GRIK4: variants seen among roughly 807,000 people sequenced by gnomAD.
The protein encoded by GRIK4 is glutamate receptor ionotropic, kainate 4.
GRIK4 carries 40 observed loss-of-function variants against 104.9 expected under a neutral mutation model. The ratio of observed to expected loss-of-function variants is 0.38; its 90% confidence interval spans 0.30 to 0.50. The LOEUF (loss-of-function observed/expected upper bound fraction) is 0.50, where lower values mean the gene tolerates loss of function less well. GRIK4 is among the 20% of genes least tolerant of loss of function. The pLI is 0.93. For missense variants in GRIK4, 1,047 were observed against 1,308.1 expected (o/e 0.80, Z 3.08); for synonymous variants, 485 against 524.9 (o/e 0.92, Z 1.04).
At position 120,952,346 on chromosome 11, in the gene GRIK4, G is replaced by C. The variant is rs994930169; in HGVS notation, c.1591-509G>C. Among the ~76,000 whole-genome samples the C allele has an allele frequency of 5.3e-5, 8 of 152,268 alleles. No homozygotes were observed. The South Asian group carries it at 1.5e-3, about 28-fold the overall frequency. On this transcript the variant is annotated intron_variant, in intron 14 of 20. Transcript: ENST00000527524. The surrounding 1 kb of genome is among the most constrained non-coding windows in gnomAD (Gnocchi z 5.2). ...TGAGAATAATAATTTGTGCCTCCCA[G>C]GACTGTTTTGAGGTTGACGGGGGAA... is the stretch of plus-strand genomic sequence containing the variant.
intron 1 of GRIK4, among the ~76,000 whole-genome samples, chr11:120,637,221 C>T (rs1015896741): frequency 1.3e-4 from 20 of 151,990 alleles, no homozygotes; most frequent in South Asian, 2.1e-4. Context: ...AGGCAGGGAG[C>T]GGGTGTTCTT....
At chr11:120,938,000 G>A (rs1268491105) in intron 13 of GRIK4, among the ~76,000 whole-genome samples, 1 of 152,152 alleles carries the variant, frequency 6.6e-6, no homozygotes, top group Non-Finnish European at 1.5e-5. Flanking sequence ...AGGAATGGAT[G>A]CCACGTTTAC....
At chr11:120,844,040 A>T (rs984294304) in intron 8 of GRIK4, among the ~76,000 whole-genome samples, 1 of 152,082 alleles carries the variant, frequency 6.6e-6, no homozygotes, top group Non-Finnish European at 1.5e-5. Flanking sequence ...GGTTCGTTTT[A>T]TTGTCAGTAG....
intron 3 of GRIK4, among the ~76,000 whole-genome samples, chr11:120,687,016 T>G (rs552534876): frequency 5.9e-5 from 9 of 152,344 alleles, no homozygotes; most frequent in Admixed American, 1.3e-4. Context: ...CATAAAATAC[T>G]TCTGGTGATG....
chr11:120,905,521 T>A lies in GRIK4; in HGVS notation c.1476+28T>A. On this transcript the variant is annotated intron_variant, in intron 13 of 20. Coordinates refer to ENST00000527524, the MANE Select transcript of GRIK4 (RefSeq NM_014619.5). The surrounding 1 kb of genome is among the most constrained non-coding windows in gnomAD (Gnocchi z 5.1). Reference sequence around the variant, plus strand: ...AAGGAGAGGACAAGTGATCTGGGCCTGAGGGTGGGCTGGGAGGGATTGGAA... The same window carrying A: ...AAGGAGAGGACAAGTGATCTGGGCCAGAGGGTGGGCTGGGAGGGATTGGAA... 1 of 593,818 alleles carries A rather than the reference T, an allele frequency of 1.7e-6. No individual in the cohort carries two copies. The highest frequency in any genetic ancestry group is 3.0e-6 in the Non-Finnish European group (1 of 338,676). 36.8% of individuals were successfully genotyped at this position (593,818 alleles called of 1,614,324 possible). A position where few individuals can be genotyped will look rare whatever the true frequency, so the allele number is the denominator to read the frequency against.
chr11:120,744,214 G>A (rs371441267), intron 3 of GRIK4, among the ~76,000 whole-genome samples: 1 of 152,164 alleles, frequency 6.6e-6, no homozygotes, highest in East Asian at 1.9e-4. Context: ...AGGCTGTTGG[G>A]TGTCTGTTAA....
At chr11:120,880,010 C>G (rs569782814) in intron 11 of GRIK4, among the ~76,000 whole-genome samples, 1 of 152,298 alleles carries the variant, frequency 6.6e-6, no homozygotes, top group South Asian at 2.1e-4. Flanking sequence ...ATAAGATGAG[C>G]GTATCTTTCA....
intron 17 of GRIK4, among the ~76,000 whole-genome samples, chr11:120,961,779 G>A (rs1190130055): frequency 6.6e-6 from 1 of 152,220 alleles, no homozygotes; most frequent in Non-Finnish European, 1.5e-5. Context: ...GTTAAAAGGT[G>A]TCTAACCAAC....
intron 13 of GRIK4, among the ~76,000 whole-genome samples, chr11:120,927,055 C>T (rs538154949): frequency 6.6e-6 from 1 of 152,166 alleles, no homozygotes; most frequent in Admixed American, 6.5e-5. Flanking sequence ...GAGTAAACTC[C>T]AAGACCCCAA....
At chr11:120,813,526 CA>C (rs953449322) in intron 4 of GRIK4, among the ~76,000 whole-genome samples, 10 of 152,142 alleles carry the variant, frequency 6.6e-5, no homozygotes, top group Non-Finnish European at 1.3e-4. Flanking sequence ...ATGAGTCCTC[CA>C]GTCAGCTGAG....
chr11:120,681,596 G>A (rs1378718292), intron 3 of GRIK4, among the ~76,000 whole-genome samples: 2 of 152,164 alleles, frequency 1.3e-5, no homozygotes, highest in African/African-American at 4.8e-5. Context: ...TGATGCATTC[G>A]GTGAGGCACA....
Position 120,913,685 on chromosome 11 carries a change from A to G in GRIK4, c.1476+8192A>G, listed in dbSNP as rs551556297. 1.1e-4 allele frequency among the ~76,000 whole-genome samples: 17 copies of G among 151,970 alleles called. No individual in the cohort carries two copies. The Middle Eastern group carries it at 0.01, about 91-fold the overall frequency. On this transcript the variant is annotated intron_variant, in intron 13 of 20. Transcript: ENST00000527524. ...CCTTGGACATCAAATAGCTCTTACC[A>G]ATGACATTTTGATGAATTAAGTGTA...
chr11:120,830,652 G>A (rs78418049), intron 6 of GRIK4, among the ~76,000 whole-genome samples: 2,704 of 152,174 alleles, frequency 0.018, 83 homozygotes, highest in African/African-American at 0.061. Flanking sequence ...TCCTACCTCC[G>A]ATTCTCCTCT....
chr11:120,747,074 G>T (rs1951453006), intron 3 of GRIK4, among the ~76,000 whole-genome samples: 1 of 152,150 alleles, frequency 6.6e-6, no homozygotes, highest in Non-Finnish European at 1.5e-5. Flanking sequence ...GTGAGGTATG[G>T]CATCCCTGAA....
At position 120,744,342 on chromosome 11, in the gene GRIK4, C is replaced by T. The variant is rs1165664994; in HGVS notation, c.83-58351C>T. Among the ~76,000 whole-genome samples the T allele has an allele frequency of 2.0e-5, 3 of 152,158 alleles. No individual in the cohort carries two copies. The South Asian group carries it at 6.2e-4, about 32-fold the overall frequency. ...GGCCTGGACGCTGGGCACAGCAAGACCCACAACCCCACTGTCCCTGGCCCT... is the reference window on the plus strand; with the variant it reads ...GGCCTGGACGCTGGGCACAGCAAGATCCACAACCCCACTGTCCCTGGCCCT... On this transcript the variant is annotated intron_variant, in intron 3 of 20. Transcript: ENST00000527524.
chr11:120,623,854 G>A (rs1008281266), intron 1 of GRIK4, among the ~76,000 whole-genome samples: 6 of 152,124 alleles, frequency 3.9e-5, no homozygotes, highest in Admixed American at 1.3e-4. Context: ...TGCAGCCTGC[G>A]TCCCATCCAG....
chr11:120,809,813 C>T (rs1328377353), intron 4 of GRIK4, among the ~76,000 whole-genome samples: 1 of 152,180 alleles, frequency 6.6e-6, no homozygotes, highest in Non-Finnish European at 1.5e-5. Context: ...GCCTGTAAAT[C>T]CCATCACTTC....
chr11:120,638,701 TCTC>T (rs1481369565), intron 1 of GRIK4, among the ~76,000 whole-genome samples: 2 of 151,602 alleles, frequency 1.3e-5, no homozygotes, highest in Non-Finnish European at 2.9e-5. Context: ...ATGGTCTCAA[TCTC>T]CTGACCTCGT....
chr11:120,721,006 C>T (rs1565313962), intron 3 of GRIK4, among the ~76,000 whole-genome samples: 1 of 152,056 alleles, frequency 6.6e-6, no homozygotes, highest in Non-Finnish European at 1.5e-5. Context: ...TTCATTCATT[C>T]ATTCATCATT....
Sources: allele counts gnomAD v4.1 joint callset (sites outside exome capture counted in the v4.1 genomes callset), GRCh38; gene constraint gnomAD v4.1.1; non-coding constraint Gnocchi (gnomAD v3.1); transcripts MANE v1.5; gene names NCBI Gene and HGNC (gene_info 2026-07-23, HGNC 2026-07-21).